RP1: variants seen among roughly 807,000 people sequenced by gnomAD.
The protein encoded by RP1 is RP1 axonemal microtubule associated.
Under a neutral mutation model 14.8 loss-of-function variants are expected in RP1, and 16 were observed. The observed-to-expected ratio is 1.08, with a 90% CI of 0.73 to 1.65. RP1 has a LOEUF of 1.65. Among genes scored for constraint, RP1 ranks in the 40% most tolerant of loss-of-function variants. The pLI, the probability that RP1 is intolerant of heterozygous loss-of-function variation, is 0.00. For synonymous variants in RP1, 876 were observed against 883.6 expected (o/e 0.99, Z 0.15); for missense variants, 2,631 against 2,535.0 (o/e 1.04, Z -0.81).
chr8:54,685,592 C>T (rs185573630), intron 12 of RP1, among the ~76,000 whole-genome samples: 1 of 152,234 alleles, frequency 6.6e-6, no homozygotes, highest in East Asian at 1.9e-4. Flanking sequence ...GTCCATCCTT[C>T]CTTCTAGAGA....
exon 29 of RP1, chr8:54,869,973 T>C: frequency 2.0e-6 from 2 of 1,009,182 alleles, no homozygotes; most frequent in South Asian, 5.1e-5. Context: ...CGCTCCAATA[T>C]GCTTCAAAAG....
chr8:54,720,179 TG>T lies in RP1; in HGVS notation c.2263del (p.Ala755HisfsTer3). 6.5e-7 allele frequency: 1 copy of T among 1,535,678 alleles called. No homozygotes were observed. The highest frequency in any genetic ancestry group is 8.7e-7 in the Non-Finnish European group (1 of 1,146,688). ...TTAAAATTAAGAAGAACTTGAAGAATGCATCCATAAGCCTGGAATCTACGAA... is the reference window on the plus strand; with the variant it reads ...TTAAAATTAAGAAGAACTTGAAGAATCATCCATAAGCCTGGAATCTACGAA... On this transcript the variant is annotated frameshift_variant, in exon 16 of 23. Transcript: ENST00000636932. LOFTEE classifies it high-confidence loss of function.
chr8:54,639,873 C>T (rs1217672827), intron 3 of RP1, among the ~76,000 whole-genome samples: 1 of 152,150 alleles, frequency 6.6e-6, no homozygotes, highest in African/African-American at 2.4e-5. Context: ...GTCTTGCACG[C>T]ATTTTCTCCT....
intron 1 of RP1, among the ~76,000 whole-genome samples, chr8:54,590,247 T>G (rs936852461): frequency 1.3e-5 from 2 of 152,170 alleles, no homozygotes; most frequent in African/African-American, 4.8e-5. Context: ...TCCTTTGATC[T>G]CATAGCCCTC....
chr8:54,678,479 A>G, exon 9 of RP1: 2 of 1,534,776 alleles, frequency 1.3e-6, no homozygotes, highest in Non-Finnish European at 1.7e-6. Context: ...TGGTTTCTTG[A>G]TGATGTTGTT....
intron 24 of RP1, among the ~76,000 whole-genome samples, chr8:54,807,606 G>A (rs538227647): frequency 1.3e-5 from 2 of 152,230 alleles, no homozygotes; most frequent in African/African-American, 4.8e-5. Context: ...CAGAATGTGT[G>A]TGCATCTCTA....
At chr8:54,853,605 G>T (rs909307785) in intron 26 of RP1, among the ~76,000 whole-genome samples, 5 of 151,978 alleles carry the variant, frequency 3.3e-5, no homozygotes, top group African/African-American at 4.8e-5. Context: ...AGGTGGCTAA[G>T]GCAAGACCTC....
chr8:54,628,468 G>T lies in RP1; in HGVS notation c.4586G>T (p.Ser1529Ile). 6.2e-7 allele frequency: 1 copy of T among 1,613,414 alleles called. No individual in the cohort carries two copies. The highest frequency in any genetic ancestry group is 8.5e-7 in the Non-Finnish European group (1 of 1,179,674). The stretch of plus-strand genomic sequence containing the variant: ...AACGGTATAATTTATGAAATAATCA[G>T]TAAGAGGCTGGCAACACCACCATCT... ...RMNGIIYEII[S>I]KRLATPPSLD... Residue 1529 changes from serine (S) to isoleucine (I), a missense_variant, in exon 4 of 4, where the codon AGT becomes ATT. Ser to Ile is a moderately radical substitution (Grantham distance 142). Coordinates refer to ENST00000220676, the MANE Select transcript of RP1 (RefSeq NM_006269.2).
chr8:54,585,998 G>C (rs576707432), intron 1 of RP1, among the ~76,000 whole-genome samples: 2 of 151,358 alleles, frequency 1.3e-5, no homozygotes, highest in South Asian at 4.2e-4. Flanking sequence ...CTCTCAACTC[G>C]TCAAAGTCAT....
Position 54,740,768 on chromosome 8 carries a change from G to T in RP1, c.2808+1739G>T, listed in dbSNP as rs551983192. 1.3e-4 allele frequency among the ~76,000 whole-genome samples: 20 copies of T among 152,078 alleles called. No homozygotes were observed. In the East Asian group the frequency reaches 3.9e-3, roughly 29 times the overall value. On this transcript the variant is annotated intron_variant, in intron 19 of 22. Transcript: ENST00000636932. Reference sequence around the variant, plus strand: ...AGTAGAAAAAAAGCTTATGGGCCGGGTGCGGTGGATCATGCCTGTCATCTC... The same window carrying T: ...AGTAGAAAAAAAGCTTATGGGCCGGTTGCGGTGGATCATGCCTGTCATCTC...
At chr8:54,592,041 T>G (rs1184552217) in intron 1 of RP1, among the ~76,000 whole-genome samples, 1 of 152,216 alleles carries the variant, frequency 6.6e-6, no homozygotes, top group Non-Finnish European at 1.5e-5. Context: ...AGCTACAGAT[T>G]ACATTGTAAA....
intron 1 of RP1, among the ~76,000 whole-genome samples, chr8:54,602,771 A>G (rs1323641659): frequency 6.6e-6 from 1 of 152,024 alleles, no homozygotes. Flanking sequence ...TTTGATTTGC[A>G]TTTCTCTGAT....
intron 19 of RP1, among the ~76,000 whole-genome samples, chr8:54,741,105 G>A (rs922205010): frequency 1.3e-5 from 2 of 151,974 alleles, no homozygotes; most frequent in African/African-American, 4.8e-5. Flanking sequence ...TGTACAGTGT[G>A]TTTGTGTTTT....
intron 1 of RP1, among the ~76,000 whole-genome samples, chr8:54,606,390 T>C (rs1585545012): frequency 6.6e-6 from 1 of 151,834 alleles, no homozygotes; most frequent in East Asian, 1.9e-4. Context: ...TTCTGGCTTG[T>C]AGGGTTTCTG....
In RP1 at chr8:54,869,764, G is replaced by GTT. The variant is rs911288868; in HGVS notation, c.4152-71_4152-70dup. 6 of 503,200 alleles carry GTT rather than the reference G, an allele frequency of 1.2e-5. No individual in the cohort carries two copies. The East Asian group carries it at 1.8e-4, about 15-fold the overall frequency. The allele number at this position is 503,200 out of a possible 1,614,324, so 31.2% of individuals were successfully genotyped here. A position where few individuals can be genotyped will look rare whatever the true frequency, so the allele number is the denominator to read the frequency against. On this transcript the variant is annotated intron_variant, in intron 28 of 28. Coordinates refer to the RP1 transcript ENST00000637698. The stretch of plus-strand genomic sequence containing the variant: ...AGGCCTCTTTAAATTCTTTCCATAT[G>GTT]TTTTTTTTTCCTTTCTAACTAATGA...
chr8:54,607,359 G>T (rs1247702110), intron 1 of RP1, among the ~76,000 whole-genome samples: 1 of 152,172 alleles, frequency 6.6e-6, no homozygotes, highest in Non-Finnish European at 1.5e-5. Context: ...CAGAACAGTG[G>T]ATATTGGTGA....
chr8:54,605,549 T>C (rs1231465738), intron 1 of RP1, among the ~76,000 whole-genome samples: 1 of 152,020 alleles, frequency 6.6e-6, no homozygotes, highest in Non-Finnish European at 1.5e-5. Context: ...CAGATGTCTA[T>C]TAGGTCCACT....
intron 25 of RP1, among the ~76,000 whole-genome samples, chr8:54,841,145 G>A (rs1690883189): frequency 6.6e-6 from 1 of 152,114 alleles, no homozygotes; most frequent in Admixed American, 6.5e-5. Flanking sequence ...TTATTCCCAT[G>A]ACATCAAGGA....
Position 54,588,566 on chromosome 8 carries a change from C to A in RP1, c.-13+29246C>A, listed in dbSNP as rs146267692. On this transcript the variant is annotated intron_variant, in intron 1 of 22. Transcript: ENST00000636932. ...AAAGGGAAAGGCTGTGGACACTAAA[C>A]CAACTTTTAAGTTGAGCTCTGAAGT... Among the ~76,000 whole-genome samples, 371 of 152,288 alleles carry A rather than the reference C, an allele frequency of 2.4e-3. 1 individual carries two copies. The highest frequency in any genetic ancestry group is 4.1e-3 in the Non-Finnish European group (279 of 68,022).
Sources: gnomAD v4.1 joint callset for allele counts (sites outside exome capture counted in the v4.1 genomes callset) on GRCh38, gnomAD v4.1.1 for gene constraint, MANE v1.5 for transcripts, NCBI Gene and HGNC (gene_info 2026-07-23, HGNC 2026-07-21) for gene names.